Variants in NEXMIF observed in about 807,000 individuals in gnomAD.
NEXMIF encodes XLMR protein related to neurite extension.
Under a neutral mutation model 62.1 loss-of-function variants are expected in NEXMIF, and 8 were observed. The observed-to-expected ratio is 0.13, with a 90% CI of 0.08 to 0.23. NEXMIF has a LOEUF of 0.23. Among genes scored for constraint, NEXMIF ranks in the 10% least tolerant of loss-of-function variants. The pLI is 1.00. For synonymous variants in NEXMIF, 404 were observed against 416.6 expected, an observed-to-expected ratio of 0.97 and a Z score of 0.37; for missense variants, 976 against 1,113.3, an observed-to-expected ratio of 0.88 and a Z score of 1.75.
chrX:74,829,735 A>T (rs1176325096), intron 1 of NEXMIF, among the ~76,000 whole-genome samples: 2 of 111,925 alleles, frequency 1.8e-5, no homozygotes, highest in Non-Finnish European at 3.8e-5. Context: ...TCTTTTGGAT[A>T]AAAGCCATTT....
chrX:74,794,846 G>A (rs2080300863), intron 1 of NEXMIF, among the ~76,000 whole-genome samples: 1 of 111,726 alleles, frequency 9.0e-6, no homozygotes, highest in African/African-American at 3.3e-5. Context: ...CATGCACAGT[G>A]CGCGCACCCA....
At chrX:74,903,430 T>C (rs1179365579) in intron 1 of NEXMIF, among the ~76,000 whole-genome samples, 1 of 105,925 alleles carries the variant, frequency 9.4e-6, no homozygotes, top group East Asian at 3.1e-4. Flanking sequence ...GCCACTAGTG[T>C]GACTTGTGGC....
At chrX:74,842,449 A>AT (rs1209286242) in intron 1 of NEXMIF, among the ~76,000 whole-genome samples, 1 of 110,017 alleles carries the variant, frequency 9.1e-6, no homozygotes, top group Non-Finnish European at 1.9e-5. Context: ...TGATCTTTTG[A>AT]TTTTTCATGT....
chrX:74,867,117 C>CA (rs1254469287), intron 1 of NEXMIF, among the ~76,000 whole-genome samples: 2 of 111,245 alleles, frequency 1.8e-5, no homozygotes, highest in African/African-American at 3.3e-5. Flanking sequence ...AACCACTGCT[C>CA]AAAAAAATCA....
chrX:74,747,245 C>T lies in NEXMIF; in HGVS notation c.-47-1548G>A, dbSNP rs745496639. Among the ~76,000 whole-genome samples, 21 of 111,608 alleles carry T rather than the reference C, an allele frequency of 1.9e-4. No homozygotes were observed. In the South Asian group the frequency reaches 6.9e-3, roughly 37 times the overall value. ...CTTTTAGATTTCAATAATTTAATGT[C>T]TTCTTATCCCTTATGTCTATAGTTA... On this transcript the variant is annotated intron_variant, in intron 1 of 3. Coordinates refer to ENST00000055682, the MANE Select transcript of NEXMIF (RefSeq NM_001008537.3).
At chrX:74,913,485 T>C (rs1286151864) in intron 1 of NEXMIF, among the ~76,000 whole-genome samples, 2 of 111,398 alleles carry the variant, frequency 1.8e-5, no homozygotes, top group African/African-American at 3.3e-5. Context: ...AGAAACATTA[T>C]TTGAAGGAAT....
At chrX:74,764,867 C>T (rs1040497551) in intron 1 of NEXMIF, among the ~76,000 whole-genome samples, 5 of 111,619 alleles carry the variant, frequency 4.5e-5, no homozygotes, top group Admixed American at 9.5e-5. Context: ...ATAGAGTATG[C>T]GCCATGTGGC....
chrX:74,808,025 A>G (rs1163285776), intron 1 of NEXMIF, among the ~76,000 whole-genome samples: 5 of 112,148 alleles, frequency 4.5e-5, no homozygotes, highest in Non-Finnish European at 9.4e-5. Context: ...ATCTATTGAT[A>G]TAATCTTATG....
intron 1 of NEXMIF, among the ~76,000 whole-genome samples, chrX:74,866,880 A>G (rs949339767): frequency 8.9e-6 from 1 of 112,589 alleles, no homozygotes; most frequent in African/African-American, 3.2e-5. Flanking sequence ...TCCTTGCTTT[A>G]TAAACTACCC....
At chrX:74,814,057 C>T (rs1001603886) in intron 1 of NEXMIF, among the ~76,000 whole-genome samples, 1 of 111,874 alleles carries the variant, frequency 8.9e-6, no homozygotes, top group Non-Finnish European at 1.9e-5. Context: ...CCCTGTAGCA[C>T]ATTCCAAGAA....
At chrX:74,854,315 C>T (rs6607490) in intron 1 of NEXMIF, among the ~76,000 whole-genome samples, 15,216 of 111,446 alleles carry the variant, frequency 0.14, 1,638 homozygotes, top group East Asian at 0.91. Context: ...AACAGAATGA[C>T]GGACAACAAT....
At chrX:74,796,266 A>T (rs1569345336) in intron 1 of NEXMIF, among the ~76,000 whole-genome samples, 1 of 50,564 alleles carries the variant, frequency 2.0e-5, no homozygotes, top group African/African-American at 7.1e-5. Flanking sequence ...TATATATATT[A>T]TATATATACA....
intron 1 of NEXMIF, among the ~76,000 whole-genome samples, chrX:74,777,877 A>C (rs1031749067): frequency 2.7e-5 from 3 of 111,587 alleles, no homozygotes; most frequent in Non-Finnish European, 5.6e-5. Flanking sequence ...CCCAAAAAGC[A>C]TTACTGAAAC....
intron 1 of NEXMIF, among the ~76,000 whole-genome samples, chrX:74,798,360 T>C (rs773084231): frequency 5.3e-5 from 6 of 112,396 alleles, no homozygotes; most frequent in African/African-American, 1.9e-4. Context: ...CAATAGCTGC[T>C]TTTATATTGC....
chrX:74,787,509 CTA>C (rs1349303034), intron 1 of NEXMIF, among the ~76,000 whole-genome samples: 1 of 111,249 alleles, frequency 9.0e-6, no homozygotes, highest in Non-Finnish European at 1.9e-5. Context: ...AGGTCATATC[CTA>C]TGATTCCCTG....
chrX:74,904,545 A>C (rs757661107), intron 1 of NEXMIF, among the ~76,000 whole-genome samples: 1 of 112,254 alleles, frequency 8.9e-6, no homozygotes, highest in South Asian at 3.7e-4. Flanking sequence ...ACAATCAAAG[A>C]AACAAAAGTT....
At chrX:74,923,750 T>C (rs1276789284) in intron 1 of NEXMIF, among the ~76,000 whole-genome samples, 2 of 112,233 alleles carry the variant, frequency 1.8e-5, no homozygotes, top group Non-Finnish European at 3.8e-5. Flanking sequence ...GCTTTAGACA[T>C]TTTTAAAAAC....
chrX:74,775,508 T>G (rs1368407228), intron 1 of NEXMIF, among the ~76,000 whole-genome samples: 2 of 112,311 alleles, frequency 1.8e-5, no homozygotes, highest in African/African-American at 6.5e-5. Flanking sequence ...TAGAGCCTGC[T>G]ATTTTGTTGA....
chrX:74,843,027 T>C (rs760257061), intron 1 of NEXMIF, among the ~76,000 whole-genome samples: 1 of 111,847 alleles, frequency 8.9e-6, no homozygotes, highest in East Asian at 2.8e-4. Flanking sequence ...TGAATACCTT[T>C]GTTAATTTTC....
Sources: allele counts gnomAD v4.1 joint callset (sites outside exome capture counted in the v4.1 genomes callset), GRCh38; gene constraint gnomAD v4.1.1; transcripts MANE v1.5; gene names NCBI Gene and HGNC (gene_info 2026-07-23, HGNC 2026-07-21).